Variants in ANO6 observed in about 807,000 individuals in gnomAD.
ANO6 encodes anoctamin-6.
Under a neutral mutation model 117.5 loss-of-function variants are expected in ANO6, and 106 were observed. The ratio of observed to expected loss-of-function variants is 0.90; its 90% CI spans 0.77 to 1.06. The LOEUF (loss-of-function observed/expected upper bound fraction) is 1.06. Among genes scored for constraint, ANO6 ranks in the 50% least tolerant of loss-of-function variants. ANO6 has a pLI of 0.00. For missense variants in ANO6, 955 were observed against 1,121.1 expected, an observed-to-expected ratio of 0.85 and a Z score of 2.12; for synonymous variants, 367 against 385.1, an observed-to-expected ratio of 0.95 and a Z score of 0.55.
chr12:45,336,127 AT>A (rs1384448805), intron 3 of ANO6, among the ~76,000 whole-genome samples: 1 of 151,980 alleles, frequency 6.6e-6, no homozygotes, highest in Non-Finnish European at 1.5e-5. Context: ...TTTTTGATAG[AT>A]TTCTTTTAAA....
intron 17 of ANO6, among the ~76,000 whole-genome samples, chr12:45,418,051 A>G (rs989761682): frequency 2.6e-5 from 4 of 152,216 alleles, no homozygotes; most frequent in African/African-American, 4.8e-5. Flanking sequence ...GAGTTAATGC[A>G]TGAAGCCTCG....
chr12:45,235,296 TA>T (rs1947628746), intron 1 of ANO6, among the ~76,000 whole-genome samples: 1 of 152,222 alleles, frequency 6.6e-6, no homozygotes, highest in African/African-American at 2.4e-5. Context: ...ATCTTAGCCC[TA>T]AATTGTGATG....
chr12:45,239,704 G>A (rs910474829), intron 1 of ANO6, among the ~76,000 whole-genome samples: 3 of 152,014 alleles, frequency 2.0e-5, no homozygotes, highest in Non-Finnish European at 4.4e-5. Flanking sequence ...ATTTCCCTCT[G>A]CACACTGCTT....
chr12:45,318,863 G>C (rs1940148284), intron 2 of ANO6, among the ~76,000 whole-genome samples: 1 of 151,572 alleles, frequency 6.6e-6, no homozygotes, highest in South Asian at 2.1e-4. Context: ...TGGATTCCTA[G>C]GTATTCTCTT....
chr12:45,288,406 C>T (rs1462777003), intron 1 of ANO6, among the ~76,000 whole-genome samples: 1 of 151,936 alleles, frequency 6.6e-6, no homozygotes, highest in Non-Finnish European at 1.5e-5. Context: ...ACTCCCCATT[C>T]CCCCTTCTCC....
chr12:45,355,331 T>TCAAA (rs1941382272), intron 7 of ANO6, among the ~76,000 whole-genome samples: 1 of 152,126 alleles, frequency 6.6e-6, no homozygotes, highest in South Asian at 2.1e-4. Flanking sequence ...TTGAAAAATC[T>TCAAA]TTCTGGCCTT....
At chr12:45,340,908 A>T (rs1940961751) in intron 3 of ANO6, among the ~76,000 whole-genome samples, 1 of 152,188 alleles carries the variant, frequency 6.6e-6, no homozygotes, top group African/African-American at 2.4e-5. Context: ...ACATATGCTA[A>T]TTTACTTTAG....
intron 2 of ANO6, 133 bp from the exon 3 acceptor site, chr12:45,331,162 G>A (rs1940648483): frequency 1.3e-6 from 1 of 760,354 alleles, no homozygotes; most frequent in Admixed American, 2.8e-5. Context: ...GGCCATGACT[G>A]TTTGGTAAGC....
At chr12:45,232,736 C>G (rs901816664) in intron 1 of ANO6, among the ~76,000 whole-genome samples, 12 of 152,164 alleles carry the variant, frequency 7.9e-5, no homozygotes, top group Non-Finnish European at 1.8e-4. Context: ...GGTACTATTG[C>G]TAGTGGTTCC....
chr12:45,410,102 A>G (rs1011478280), intron 16 of ANO6, among the ~76,000 whole-genome samples: 3 of 152,096 alleles, frequency 2.0e-5, no homozygotes, highest in Non-Finnish European at 2.9e-5. Context: ...TTGTCTGAGA[A>G]TGAACTCAGC....
intron 7 of ANO6, among the ~76,000 whole-genome samples, chr12:45,351,190 C>G (rs1428285848): frequency 6.6e-6 from 1 of 152,182 alleles, no homozygotes; most frequent in Non-Finnish European, 1.5e-5. Flanking sequence ...TCAGGAAGTT[C>G]CAAGGGTTTA....
At chr12:45,377,394 T>G (rs1942057195) in intron 9 of ANO6, among the ~76,000 whole-genome samples, 1 of 152,188 alleles carries the variant, frequency 6.6e-6, no homozygotes, top group African/African-American at 2.4e-5. Flanking sequence ...TAAAGCCTTA[T>G]TTGGCCAGAT....
chr12:45,231,684 A>G (rs908896648), intron 1 of ANO6, among the ~76,000 whole-genome samples: 13 of 152,298 alleles, frequency 8.5e-5, no homozygotes, highest in African/African-American at 3.1e-4. Flanking sequence ...AGACCATCTC[A>G]TATTTTCTGC....
chr12:45,430,211 T>C lies in ANO6; in HGVS notation c.*900T>C. On this transcript the variant is annotated 3_prime_UTR_variant, in exon 20 of 20. Coordinates refer to ENST00000320560, the MANE Select transcript of ANO6 (RefSeq NM_001025356.3). ...TTACATTTTTATCAACATAATTGTCTGGAAAAGATAAGCCCCTCAATTTTC... is the reference window on the plus strand; with the variant it reads ...TTACATTTTTATCAACATAATTGTCCGGAAAAGATAAGCCCCTCAATTTTC... 1.0e-6 allele frequency: 1 copy of C among 985,448 alleles called. No homozygotes were observed. Among genetic ancestry groups the C allele is most frequent in the East Asian group, 1.1e-4 (1 of 8,824 alleles). The allele number at this position is 985,448 out of a possible 1,614,324, so 61.0% of individuals were successfully genotyped here.
intron 1 of ANO6, among the ~76,000 whole-genome samples, chr12:45,254,974 T>C (rs2137196261): frequency 6.6e-6 from 1 of 152,336 alleles, no homozygotes; most frequent in East Asian, 1.9e-4. Flanking sequence ...TATTTTATGA[T>C]TGAGAATAAG....
chr12:45,291,495 C>T (rs939899985), intron 1 of ANO6, among the ~76,000 whole-genome samples: 42 of 150,380 alleles, frequency 2.8e-4, no homozygotes, highest in African/African-American at 1.0e-3. Flanking sequence ...TTTTGTGCAT[C>T]AAGGGATATT....
chr12:45,429,023 A>G lies in ANO6; in HGVS notation c.2527-82A>G, dbSNP rs553130766. ...CACTGCCTTGTCCAGATAAACTGCC[A>G]TAATGACAAGCAAGAATGAAAGGAA... is the stretch of plus-strand genomic sequence containing the variant. On this transcript the variant is annotated intron_variant, in intron 19 of 19. Transcript: ENST00000320560. 9.9e-5 allele frequency: 151 copies of G among 1,532,056 alleles called. No homozygotes were observed. In the African/African-American group the frequency reaches 1.5e-3, roughly 16 times the overall value. 94.9% of individuals were successfully genotyped at this position (1,532,056 alleles called of 1,614,324 possible).
At chr12:45,375,326 C>A (rs1043190315) in intron 9 of ANO6, among the ~76,000 whole-genome samples, 22 of 152,122 alleles carry the variant, frequency 1.4e-4, no homozygotes, top group Admixed American at 5.9e-4. Flanking sequence ...GCTACCAATG[C>A]CTTTCTTCAC....
chr12:45,237,300 G>C (rs992937228), intron 1 of ANO6, among the ~76,000 whole-genome samples: 1 of 152,138 alleles, frequency 6.6e-6, no homozygotes, highest in African/African-American at 2.4e-5. Flanking sequence ...AGTCCTTGCT[G>C]ATGCCTATGT....
Sources: allele counts gnomAD v4.1 joint callset (sites outside exome capture counted in the v4.1 genomes callset), GRCh38; gene constraint gnomAD v4.1.1; transcripts MANE v1.5; gene names NCBI Gene and HGNC (gene_info 2026-07-23, HGNC 2026-07-21).